CUBN: variants seen among roughly 807,000 people sequenced by gnomAD.
CUBN encodes the protein cubilin.
CUBN carries 282 observed loss-of-function variants against 405.3 expected under a neutral mutation model. The observed-to-expected ratio is 0.70, with a 90% confidence interval of 0.63 to 0.77. The LOEUF (loss-of-function observed/expected upper bound fraction) is 0.77. CUBN is among the 30% of genes least tolerant of loss of function. The pLI is 0.00. For missense variants in CUBN, 4,514 were observed against 4,475.2 expected (o/e 1.01, Z -0.25); for synonymous variants, 1,684 against 1,617.0 (o/e 1.04, Z -0.99).
chr10:17,123,786 A>C (rs572269263), intron 4 of CUBN, 97 bp from the exon 5 acceptor site: 11 of 772,490 alleles, frequency 1.4e-5, no homozygotes, highest in African/African-American at 1.4e-4. Context: ...ACTCTTAATC[A>C]GTGGGGGTCT....
Position 16,874,501 on chromosome 10 carries a change from A to G in CUBN, c.9109T>C (p.Cys3037Arg). Residue 3037 changes from cysteine (C) to arginine (R), a missense_variant and splice_region_variant, in exon 58 of 67, where the codon TGT (cysteine) becomes CGT (arginine). By Grantham distance (180) the Cys-to-Arg change is radical. Transcript: ENST00000377833. Reference protein sequence around the residue: ...GFKFSYRIISCGGVFNFSSGI... With the variant: ...GFKFSYRIISRGGVFNFSSGI... ...GAAGAGAAATTGAACACACCACCAC[A>G]GGCTGCAACAGAAGACAAGGGAATA... 1 of 1,614,172 alleles carries G rather than the reference A, an allele frequency of 6.2e-7. No individual in the cohort carries two copies. The highest frequency in any genetic ancestry group is 8.5e-7 in the Non-Finnish European group (1 of 1,179,994).
chr10:17,070,850 T>C (rs144781177), intron 19 of CUBN, among the ~76,000 whole-genome samples: 1 of 152,318 alleles, frequency 6.6e-6, no homozygotes, highest in East Asian at 1.9e-4. Flanking sequence ...GGATGCATTT[T>C]ATCTCTTCTC....
intron 57 of CUBN, among the ~76,000 whole-genome samples, chr10:16,875,702 A>T (rs1176428126): frequency 6.6e-6 from 1 of 152,196 alleles, no homozygotes; most frequent in Non-Finnish European, 1.5e-5. Context: ...AATAACTCCC[A>T]TCTTTGCACA....
intron 22 of CUBN, among the ~76,000 whole-genome samples, chr10:17,056,675 C>A (rs958754610): frequency 3.3e-5 from 5 of 151,934 alleles, no homozygotes; most frequent in Admixed American, 2.6e-4. Flanking sequence ...TGAAATATTT[C>A]TCAGACAAGA....
intron 27 of CUBN, among the ~76,000 whole-genome samples, chr10:17,023,147 T>A (rs933430714): frequency 6.6e-6 from 1 of 151,496 alleles, no homozygotes; most frequent in Non-Finnish European, 1.5e-5. Context: ...AGGAGACCCC[T>A]GGATCTCAGC....
chr10:17,045,402 C>G (rs940789888), intron 24 of CUBN, among the ~76,000 whole-genome samples: 1 of 146,158 alleles, frequency 6.8e-6, no homozygotes, highest in African/African-American at 2.6e-5. Context: ...CTGGGTCACT[C>G]AGGCTGGAAT....
At chr10:16,867,638 C>T (rs1432030516) in intron 59 of CUBN, among the ~76,000 whole-genome samples, 1 of 152,150 alleles carries the variant, frequency 6.6e-6, no homozygotes, top group Non-Finnish European at 1.5e-5. Context: ...ACAGGGGTAA[C>T]ACAATGCTGG....
At chr10:17,117,719 C>T (rs574152386) in intron 6 of CUBN, among the ~76,000 whole-genome samples, 6 of 152,138 alleles carry the variant, frequency 3.9e-5, no homozygotes, top group Non-Finnish European at 7.4e-5. Context: ...CGTGAGCCAC[C>T]GCACCCTGCT....
At chr10:16,867,531 T>C (rs1000570395) in intron 59 of CUBN, among the ~76,000 whole-genome samples, 2 of 152,212 alleles carry the variant, frequency 1.3e-5, no homozygotes, top group Non-Finnish European at 2.9e-5. Flanking sequence ...CACTTAAACA[T>C]TACCATCAAA....
intron 59 of CUBN, among the ~76,000 whole-genome samples, chr10:16,862,439 T>C (rs1183697735): frequency 6.6e-6 from 1 of 152,184 alleles, no homozygotes; most frequent in Non-Finnish European, 1.5e-5. Context: ...AAGCAGCTCA[T>C]GCTACATCTG....
At chr10:17,029,169 C>T (rs987742490) in intron 27 of CUBN, among the ~76,000 whole-genome samples, 34 of 152,198 alleles carry the variant, frequency 2.2e-4, no homozygotes, top group African/African-American at 7.2e-4. Flanking sequence ...AGAGGAAACA[C>T]GCAGAGTTTC....
chr10:16,955,137 G>A lies in CUBN; in HGVS notation c.4696-589C>T, dbSNP rs1479678908. On this transcript the variant is annotated intron_variant, in intron 31 of 66. Transcript: ENST00000377833. ...TACAATCCCAGCACTTTGGGAGGCT[G>A]AGGCGGGTGGATCACCTGAGGTCAG... Among the ~76,000 whole-genome samples the A allele has an allele frequency of 3.9e-5, 6 of 152,106 alleles. No homozygotes were observed. The East Asian group carries it at 9.6e-4, about 24-fold the overall frequency.
intron 36 of CUBN, among the ~76,000 whole-genome samples, chr10:16,946,778 A>G (rs1356115171): frequency 1.3e-5 from 2 of 152,186 alleles, no homozygotes; most frequent in Admixed American, 6.5e-5. Flanking sequence ...TACAGGCATG[A>G]GCCACTACAC....
At chr10:16,935,613 C>T (rs532225982) in intron 39 of CUBN, among the ~76,000 whole-genome samples, 12 of 152,154 alleles carry the variant, frequency 7.9e-5, no homozygotes, top group African/African-American at 2.9e-4. Flanking sequence ...GATGCAGTGG[C>T]TCACGCCTGT....
intron 49 of CUBN, among the ~76,000 whole-genome samples, chr10:16,906,801 C>T (rs1171330302): frequency 6.6e-6 from 1 of 152,104 alleles, no homozygotes; most frequent in Non-Finnish European, 1.5e-5. Context: ...TTAAATCAAA[C>T]AGATAATAGG....
intron 48 of CUBN, among the ~76,000 whole-genome samples, chr10:16,909,213 A>G (rs1841652071): frequency 6.6e-6 from 1 of 152,158 alleles, no homozygotes; most frequent in South Asian, 2.1e-4. Context: ...ATTTACTATA[A>G]TTAATCAAAT....
In CUBN at chr10:16,833,696, G is replaced by A. The variant is rs186556038; in HGVS notation, c.10362+1318C>T. On this transcript the variant is annotated intron_variant, in intron 64 of 66. Transcript: ENST00000377833. ...CCCTTGGTGCTAAGAAGCAGAAGATGTTTTGTTGGGAACAAAGGCTGAAGC... is the reference window on the plus strand; with the variant it reads ...CCCTTGGTGCTAAGAAGCAGAAGATATTTTGTTGGGAACAAAGGCTGAAGC... 1.8e-4 allele frequency among the ~76,000 whole-genome samples: 27 copies of A among 152,302 alleles called. No individual in the cohort carries two copies. In the East Asian group the frequency reaches 5.2e-3, roughly 29 times the overall value.
rs892785919 is a variant in CUBN, at chr10:16,947,326, T to C, written c.5251A>G (p.Ser1751Gly). 1.2e-6 allele frequency: 2 copies of C among 1,614,002 alleles called. No homozygotes were observed. The highest frequency in any genetic ancestry group is 2.7e-5 in the African/African-American group (2 of 74,932). Residue 1751 changes from serine (S) to glycine (G), a missense_variant, in exon 36 of 67, where the codon AGC becomes GGC. Ser to Gly is a moderately conservative substitution (Grantham distance 56, BLOSUM62 0). Transcript: ENST00000377833. ...TFYMAEGIFNSPGYPDIYPPN... is the reference protein window; with the variant it reads ...TFYMAEGIFNGPGYPDIYPPN... The stretch of plus-strand genomic sequence containing the variant: ...GGATAAATGTCTGGGTAGCCAGGGC[T>C]GTTGAAGATGCCTTCAGCCATGTAG...
chr10:16,841,013 G>A lies in CUBN; in HGVS notation c.9698C>T (p.Ala3233Val). 1 of 1,614,114 alleles carries A rather than the reference G, an allele frequency of 6.2e-7. No individual in the cohort carries two copies. Among genetic ancestry groups the A allele is most frequent in the Non-Finnish European group, 8.5e-7 (1 of 1,180,002 alleles). The change falls in exon 61 of 67, where the codon GCT becomes GTT. Residue 3233 changes from alanine to valine, a missense_variant. By Grantham distance (64) the Ala-to-Val change is moderately conservative (BLOSUM62 0). Around this residue, in one of 5 missense-constraint regions of CUBN, gnomAD observed 1,186 missense variants for 1,186.9 expected, o/e 1.00. Transcript: ENST00000377833. ...TACTGTGGAACCACAAAACGTTCCA[G>A]CCAAGTTCGCATTTTCACTATCCCC... Reference protein sequence around the residue: ...YDGDSENANLAGTFCGSTVPA... With the variant: ...YDGDSENANLVGTFCGSTVPA...
Sources: allele counts gnomAD v4.1 joint callset (sites outside exome capture counted in the v4.1 genomes callset), GRCh38; gene constraint gnomAD v4.1.1; regional missense constraint gnomAD v4.1.1; transcripts MANE v1.5; gene names NCBI Gene and HGNC (gene_info 2026-07-23, HGNC 2026-07-21).